Variants in NXPH1 observed in about 807,000 individuals in gnomAD.
The protein encoded by NXPH1 is neurexophilin-1.
Under a neutral mutation model 23.7 loss-of-function variants are expected in NXPH1, and 5 were observed. That is an observed-to-expected ratio of 0.21 (90% CI 0.11 to 0.44). The LOEUF is 0.44. Ranked by LOEUF, NXPH1 falls within the 20% of genes least tolerant of loss-of-function variation. The pLI, the probability that NXPH1 is intolerant of heterozygous loss-of-function variation, is 0.99. For missense variants in NXPH1, 324 were observed against 321.6 expected (o/e 1.01, Z -0.06); for synonymous variants, 144 against 122.2 (o/e 1.18, Z -1.18).
At chr7:8,532,848 G>T (rs1191850203) in intron 2 of NXPH1, among the ~76,000 whole-genome samples, 1 of 152,066 alleles carries the variant, frequency 6.6e-6, no homozygotes, top group African/African-American at 2.4e-5. Context: ...ATGGTAATGT[G>T]CTCTGGGTAC....
intron 2 of NXPH1, among the ~76,000 whole-genome samples, chr7:8,475,275 C>T (rs1816950808): frequency 6.6e-6 from 1 of 151,958 alleles, no homozygotes; most frequent in Admixed American, 6.6e-5. Flanking sequence ...GCTTGGTGTC[C>T]CCAGAGAGAA....
At chr7:8,606,771 G>A (rs1307983570) in intron 2 of NXPH1, among the ~76,000 whole-genome samples, 1 of 152,142 alleles carries the variant, frequency 6.6e-6, no homozygotes, top group Admixed American at 6.6e-5. Context: ...CAGTGAATAT[G>A]TGCAGAATGA....
At chr7:8,737,514 T>A (rs990118559) in intron 2 of NXPH1, among the ~76,000 whole-genome samples, 2 of 152,238 alleles carry the variant, frequency 1.3e-5, no homozygotes, top group Admixed American at 6.5e-5. Flanking sequence ...CTTAGTCTGA[T>A]GGGCTTCCCT....
At chr7:8,602,752 A>G (rs1239898297) in intron 2 of NXPH1, among the ~76,000 whole-genome samples, 1 of 152,170 alleles carries the variant, frequency 6.6e-6, no homozygotes, top group East Asian at 1.9e-4. Flanking sequence ...GTATAAAGGC[A>G]GGGTCCACCT....
intron 2 of NXPH1, among the ~76,000 whole-genome samples, chr7:8,526,212 C>A (rs372429862): frequency 6.6e-6 from 1 of 152,220 alleles, no homozygotes; most frequent in African/African-American, 2.4e-5. Context: ...AAGTTGACTC[C>A]CCTGCTGGAT....
At chr7:8,578,279 A>G (rs1003113140) in intron 2 of NXPH1, among the ~76,000 whole-genome samples, 4 of 152,188 alleles carry the variant, frequency 2.6e-5, no homozygotes, top group African/African-American at 9.7e-5. Context: ...GTCAAATTCA[A>G]AATTTGAAGT....
In NXPH1 at chr7:8,690,083, A is replaced by G. The variant is rs545012698; in HGVS notation, c.55-60925A>G. ...ATAGTGTAATGTGAGTATTTTGAGA[A>G]AGAAGATTGGATTATTTTAATAAAG... On this transcript the variant is annotated intron_variant, in intron 2 of 2. Coordinates refer to ENST00000405863, the MANE Select transcript of NXPH1 (RefSeq NM_152745.3). Among the ~76,000 whole-genome samples, 9 of 152,302 alleles carry G rather than the reference A, an allele frequency of 5.9e-5. No homozygotes were observed. In the Middle Eastern group the frequency reaches 0.01, roughly 173 times the overall value.
intron 2 of NXPH1, among the ~76,000 whole-genome samples, chr7:8,665,670 T>A (rs1820748953): frequency 6.6e-6 from 1 of 152,042 alleles, no homozygotes; most frequent in Non-Finnish European, 1.5e-5. Flanking sequence ...GCTTGCTATT[T>A]AATGTGTTTA....
chr7:8,563,076 T>C (rs955956186), intron 2 of NXPH1, among the ~76,000 whole-genome samples: 6 of 151,768 alleles, frequency 4.0e-5, no homozygotes, highest in South Asian at 2.1e-4. Flanking sequence ...CTTTTGACTT[T>C]ATATGCAAGA....
chr7:8,746,225 C>T (rs947818724), intron 2 of NXPH1, among the ~76,000 whole-genome samples: 1 of 119,578 alleles, frequency 8.4e-6, no homozygotes, highest in Non-Finnish European at 1.7e-5. Context: ...TGCTAAGGAA[C>T]CTTCCTGTTT....
chr7:8,636,073 A>G (rs1820214071), intron 2 of NXPH1, among the ~76,000 whole-genome samples: 1 of 152,186 alleles, frequency 6.6e-6, no homozygotes, highest in African/African-American at 2.4e-5. Flanking sequence ...TGCAGCCTGC[A>G]TAGACTTTCT....
At chr7:8,536,473 C>G (rs1224805727) in intron 2 of NXPH1, among the ~76,000 whole-genome samples, 1 of 151,952 alleles carries the variant, frequency 6.6e-6, no homozygotes, top group Non-Finnish European at 1.5e-5. Flanking sequence ...TCACGAATGG[C>G]TCTTTTTGCT....
At chr7:8,439,715 A>C (rs192549572) in intron 2 of NXPH1, among the ~76,000 whole-genome samples, 47 of 152,292 alleles carry the variant, frequency 3.1e-4, no homozygotes, top group African/African-American at 9.4e-4. Flanking sequence ...TGTTTAATAG[A>C]GTTTGGAGAG....
chr7:8,615,408 A>G (rs996936859), intron 2 of NXPH1, among the ~76,000 whole-genome samples: 2 of 152,010 alleles, frequency 1.3e-5, no homozygotes, highest in Non-Finnish European at 2.9e-5. Flanking sequence ...AGAGGATTCG[A>G]TGGGATAATT....
chr7:8,450,569 T>G (rs1816490169), intron 2 of NXPH1, among the ~76,000 whole-genome samples: 1 of 152,238 alleles, frequency 6.6e-6, no homozygotes, highest in African/African-American at 2.4e-5. Flanking sequence ...TCCAAGACAC[T>G]TTTGCCCCAA....
Position 8,678,928 on chromosome 7 carries a change from A to ATTTTTTTTTTTTTTTTTTTTT in NXPH1, c.55-72065_55-72045dup, listed in dbSNP as rs540056222. 5.1e-3 allele frequency among the ~76,000 whole-genome samples: 353 copies of ATTTTTTTTTTTTTTTTTTTTT among 68,802 alleles called. 38 individuals carry two copies. The highest frequency in any genetic ancestry group is 5.6e-3 in the Non-Finnish European group (225 of 40,008). The allele number at this position is 68,802 out of a possible 152,430, so 45.1% of individuals were successfully genotyped here. ...TCTAGATTTATCTTTGCTTTATCCA[A>ATTTTTTTTTTTTTTTTTTTTT]TTTTTTTTTTTTTTTTTTTTTTTTT... On this transcript the variant is annotated intron_variant, in intron 2 of 2. Transcript: ENST00000405863.
At chr7:8,713,866 C>A (rs934894317) in intron 2 of NXPH1, among the ~76,000 whole-genome samples, 2 of 152,152 alleles carry the variant, frequency 1.3e-5, no homozygotes, top group African/African-American at 4.8e-5. Flanking sequence ...AAGGGGTGAA[C>A]ACAAGCACTC....
intron 2 of NXPH1, among the ~76,000 whole-genome samples, chr7:8,744,291 T>C (rs1780431427): frequency 6.6e-6 from 1 of 152,104 alleles, no homozygotes; most frequent in South Asian, 2.1e-4. Context: ...GCTCCTTTGG[T>C]AATGGGCATT....
intron 2 of NXPH1, among the ~76,000 whole-genome samples, chr7:8,675,280 G>A (rs1037177800): frequency 6.6e-6 from 1 of 151,610 alleles, no homozygotes; most frequent in Non-Finnish European, 1.5e-5. Flanking sequence ...TTTCTGTAAT[G>A]TAACATCTGT....
Sources: gnomAD v4.1 joint callset for allele counts (sites outside exome capture counted in the v4.1 genomes callset) on GRCh38, gnomAD v4.1.1 for gene constraint, MANE v1.5 for transcripts, NCBI Gene and HGNC (gene_info 2026-07-23, HGNC 2026-07-21) for gene names.